The following TRHDE variants were observed in gnomAD, a reference collection of about 807,000 sequenced individuals.
TRHDE encodes the protein thyrotropin releasing hormone degrading enzyme, also known as thyrotropin-releasing hormone-degrading ectoenzyme.
In TRHDE, 72 loss-of-function variants were observed where a neutral mutation model predicts 125.7. The ratio of observed to expected loss-of-function variants is 0.57; its 90% confidence interval spans 0.47 to 0.70. TRHDE has a LOEUF of 0.70. TRHDE is among the 30% of genes least tolerant of loss of function. The pLI is 0.00. For synonymous variants in TRHDE, 509 were observed against 509.1 expected (o/e 1.00, Z 0.00); for missense variants, 1,110 against 1,327.1 (o/e 0.84, Z 2.54).
At chr12:72,420,051 C>A (rs796842586) in intron 3 of TRHDE, among the ~76,000 whole-genome samples, 3 of 152,264 alleles carry the variant, frequency 2.0e-5, no homozygotes, top group African/African-American at 7.2e-5. Flanking sequence ...CAAAGGTTTT[C>A]ATCATGAATA....
At chr12:72,283,620 T>G (rs1879774178) in intron 1 of TRHDE, among the ~76,000 whole-genome samples, 1 of 152,120 alleles carries the variant, frequency 6.6e-6, no homozygotes, top group South Asian at 2.1e-4. Flanking sequence ...ATTGCTACCT[T>G]CCCTAACATA....
rs1014673211 is a variant in TRHDE at position 72,140,529 on chromosome 12, G to A, written n.279+34777G>A. On this transcript the variant is annotated intron_variant and non_coding_transcript_variant, in intron 2 of 4. Transcript: ENST00000548156. ...TGGACACATGTTCTCAGGATCTCCC[G>A]GGGCTGTGTCATGGGCCATGATTAC... 4 of 152,106 alleles carry A rather than the reference G, an allele frequency of 2.6e-5. No individual in the cohort carries two copies. In the South Asian group the frequency reaches 6.2e-4, roughly 24 times the overall value. 9.4% of individuals were successfully genotyped at this position (152,106 alleles called of 1,614,324 possible). A position where few individuals can be genotyped will look rare whatever the true frequency, so the allele number is the denominator to read the frequency against.
intron 2 of TRHDE, among the ~76,000 whole-genome samples, chr12:72,374,176 G>T (rs1298049290): frequency 2.6e-5 from 4 of 152,068 alleles, no homozygotes. Context: ...ACTGAACATG[G>T]AGTGTGAGAG....
chr12:72,459,704 C>T (rs141650820), intron 3 of TRHDE, among the ~76,000 whole-genome samples: 3 of 152,212 alleles, frequency 2.0e-5, no homozygotes, highest in African/African-American at 4.8e-5. Context: ...ACTGCAGCCT[C>T]GACCTCCTGG....
intron 2 of TRHDE, among the ~76,000 whole-genome samples, chr12:72,372,936 G>A (rs1016493044): frequency 3.3e-5 from 5 of 152,164 alleles, no homozygotes; most frequent in Non-Finnish European, 7.3e-5. Flanking sequence ...GAAAGTCATT[G>A]GTAGCTTGAT....
chr12:72,587,488 T>A (rs1871489560), intron 12 of TRHDE, among the ~76,000 whole-genome samples: 1 of 152,108 alleles, frequency 6.6e-6, no homozygotes, highest in Admixed American at 6.6e-5. Context: ...GCAGATGAAT[T>A]ATCTGAAAGT....
At chr12:72,586,251 A>G (rs975355732) in intron 12 of TRHDE, among the ~76,000 whole-genome samples, 1 of 152,230 alleles carries the variant, frequency 6.6e-6, no homozygotes, top group African/African-American at 2.4e-5. Context: ...TTTGGGGAAG[A>G]AGATAAAGGA....
chr12:72,568,327 G>A (rs1414857367), intron 9 of TRHDE, among the ~76,000 whole-genome samples: 1 of 151,884 alleles, frequency 6.6e-6, no homozygotes. Flanking sequence ...AAGAAAAATG[G>A]TTTTGTTGGC....
chr12:72,158,339 T>C (rs1388026665), intron 2 of TRHDE, among the ~76,000 whole-genome samples: 4 of 151,400 alleles, frequency 2.6e-5, no homozygotes, highest in Non-Finnish European at 1.5e-5. Flanking sequence ...ATTATATGTA[T>C]ATATATAATA....
chr12:72,311,648 T>C (rs1274576220), intron 2 of TRHDE, among the ~76,000 whole-genome samples: 2 of 152,146 alleles, frequency 1.3e-5, no homozygotes, highest in African/African-American at 4.8e-5. Context: ...ATCTGTATGA[T>C]GAGAATGATA....
rs112852232 is a variant in TRHDE, at chr12:72,184,178, G to A, written n.279+78426G>A. 3.0e-3 allele frequency among the ~76,000 whole-genome samples: 462 copies of A among 152,142 alleles called. 6 individuals are homozygous for A. Among genetic ancestry groups the A allele is most frequent in the African/African-American group, 0.01 (427 of 41,500 alleles). ...ATTCATGAAATATAGAACACCAAAG[G>A]TTATTTCTTGCTACCCTTAGGGGCA... On this transcript the variant is annotated intron_variant and non_coding_transcript_variant, in intron 2 of 4. Transcript: ENST00000548156.
intron 2 of TRHDE, among the ~76,000 whole-genome samples, chr12:72,367,823 T>C (rs1189386483): frequency 1.3e-5 from 2 of 152,198 alleles, no homozygotes; most frequent in African/African-American, 4.8e-5. Flanking sequence ...TGTATTGTTA[T>C]AGTGGTATTT....
intron 12 of TRHDE, chr12:72,582,348 T>C: frequency 2.0e-6 from 2 of 985,218 alleles, no homozygotes; most frequent in Non-Finnish European, 2.4e-6. Context: ...TTTTTTTTCA[T>C]TTCTGAGCCT....
At chr12:72,360,421 TAGGCAGTTTGCAGAACA>T (rs990380683) in intron 2 of TRHDE, among the ~76,000 whole-genome samples, 2 of 151,590 alleles carry the variant, frequency 1.3e-5, no homozygotes, top group African/African-American at 4.8e-5. Flanking sequence ...ACAGGTAAAA[TAGGCAGTTTGCAGAACA>T]AGGCAGTTTG....
intron 15 of TRHDE, among the ~76,000 whole-genome samples, chr12:72,629,713 C>T (rs540910142): frequency 2.0e-5 from 3 of 151,644 alleles, no homozygotes; most frequent in East Asian, 1.9e-4. Context: ...TGACAGATTG[C>T]GTATAAAACT....
intron 6 of TRHDE, among the ~76,000 whole-genome samples, chr12:72,527,083 A>AT: frequency 6.6e-6 from 1 of 152,048 alleles, no homozygotes; most frequent in East Asian, 1.9e-4. Context: ...TTAGTGTTTT[A>AT]TTTTTTCCTA....
intron 2 of TRHDE, among the ~76,000 whole-genome samples, chr12:72,144,992 C>G (rs1164315610): frequency 2.6e-5 from 4 of 152,066 alleles, no homozygotes; most frequent in Non-Finnish European, 5.9e-5. Context: ...TCTGCCACGT[C>G]TACTTGGAAG....
chr12:72,327,514 C>T (rs1419380862), intron 2 of TRHDE, among the ~76,000 whole-genome samples: 1 of 152,132 alleles, frequency 6.6e-6, no homozygotes, highest in Non-Finnish European at 1.5e-5. Flanking sequence ...GCAGAACACA[C>T]TGAATCACCA....
At chr12:72,100,163 G>C (rs560863069) in intron 1 of TRHDE, among the ~76,000 whole-genome samples, 2 of 152,266 alleles carry the variant, frequency 1.3e-5, no homozygotes, top group East Asian at 3.9e-4. Flanking sequence ...ACCCTTGGCA[G>C]ACTGCTGAAT....
Sources: gnomAD v4.1 joint callset for allele counts (sites outside exome capture counted in the v4.1 genomes callset) on GRCh38, gnomAD v4.1.1 for gene constraint, MANE v1.5 for transcripts, NCBI Gene and HGNC (gene_info 2026-07-23, HGNC 2026-07-21) for gene names.